The following PDZRN4 variants were observed in gnomAD, a reference collection of about 807,000 sequenced individuals.
The protein encoded by PDZRN4 is PDZ domain-containing RING finger protein 4.
A neutral mutation model predicts 99.0 loss-of-function variants in PDZRN4; 70 were observed. That is an observed-to-expected ratio of 0.71 (90% CI 0.58 to 0.86). PDZRN4 has a LOEUF of 0.86. PDZRN4 is among the 40% of genes least tolerant of loss of function. The pLI, the probability that PDZRN4 is intolerant of heterozygous loss-of-function variation, is 0.00. For missense variants in PDZRN4, 1,474 were observed against 1,331.2 expected (o/e 1.11, Z -1.67); for synonymous variants, 551 against 501.6 (o/e 1.10, Z -1.32).
chr12:41,381,265 C>A (rs1464255679), intron 3 of PDZRN4, among the ~76,000 whole-genome samples: 1 of 152,050 alleles, frequency 6.6e-6, no homozygotes. Context: ...ATTTCTCACC[C>A]CAAATTTGGA....
intron 3 of PDZRN4, among the ~76,000 whole-genome samples, chr12:41,213,893 C>A (rs1195466098): frequency 1.3e-5 from 2 of 151,858 alleles, no homozygotes. Flanking sequence ...AGTCACTGAC[C>A]CTCTCTGGTC....
intron 3 of PDZRN4, among the ~76,000 whole-genome samples, chr12:41,505,993 G>A (rs1273355442): frequency 6.6e-6 from 1 of 151,812 alleles, no homozygotes; most frequent in East Asian, 1.9e-4. Context: ...ACATGGTCTT[G>A]GATTAAAACA....
At chr12:41,235,359 A>C (rs1461347545) in intron 3 of PDZRN4, among the ~76,000 whole-genome samples, 7 of 152,212 alleles carry the variant, frequency 4.6e-5, no homozygotes. Context: ...AACTAAAAAC[A>C]ATATGGGTTT....
intron 3 of PDZRN4, among the ~76,000 whole-genome samples, chr12:41,489,037 A>G (rs961991777): frequency 2.0e-5 from 3 of 152,174 alleles, no homozygotes; most frequent in African/African-American, 4.8e-5. Context: ...ACAAATGCAT[A>G]AACTTTCTTA....
intron 3 of PDZRN4, among the ~76,000 whole-genome samples, chr12:41,225,905 C>G (rs1010572562): frequency 4.6e-5 from 7 of 152,068 alleles, no homozygotes; most frequent in South Asian, 2.1e-4. Context: ...CAGGCACCCC[C>G]CTGGAGTAGG....
intron 3 of PDZRN4, among the ~76,000 whole-genome samples, chr12:41,463,388 A>G (rs568020054): frequency 1.3e-5 from 2 of 152,260 alleles, no homozygotes; most frequent in Non-Finnish European, 2.9e-5. Context: ...TCTTGGAATT[A>G]GTTCTTCATA....
chr12:41,447,470 C>T (rs1214480095), intron 3 of PDZRN4, among the ~76,000 whole-genome samples: 1 of 152,150 alleles, frequency 6.6e-6, no homozygotes, highest in East Asian at 1.9e-4. Flanking sequence ...GCAGTCTTCT[C>T]TCTGACTGTG....
chr12:41,269,787 A>G (rs1951301647), intron 3 of PDZRN4, among the ~76,000 whole-genome samples: 1 of 152,168 alleles, frequency 6.6e-6, no homozygotes, highest in African/African-American at 2.4e-5. Flanking sequence ...AAAGCACAAG[A>G]TGGAAAGTTT....
chr12:41,258,437 G>A (rs529944739), intron 3 of PDZRN4, among the ~76,000 whole-genome samples: 8 of 152,174 alleles, frequency 5.3e-5, no homozygotes, highest in African/African-American at 1.7e-4. Flanking sequence ...ACATAATCTG[G>A]AGTAAGAGTC....
In PDZRN4 at chr12:41,572,855, G is replaced by A. The variant is rs1565619709; in HGVS notation, c.2076G>A (p.Val692=). The A allele has an allele frequency of 1.9e-6, 3 of 1,614,086 alleles. No individual in the cohort carries two copies. The highest frequency in any genetic ancestry group is 2.5e-6 in the Non-Finnish European group (3 of 1,179,988). ...NIMQAHRLQK[V]TDQYGDIWTL... is the part of the protein sequence containing the mutation. ...TGCAGGCTCACAGGCTCCAGAAAGT[G>A]ACAGACCAGTATGGAGACATCTGGA... Residue 692 remains valine (V), a synonymous_variant, in exon 10 of 10, where the codon GTG becomes GTA. Coordinates refer to ENST00000402685, the MANE Select transcript of PDZRN4 (RefSeq NM_001164595.2).
At chr12:41,566,597 A>G (rs1461593594) in intron 8 of PDZRN4, among the ~76,000 whole-genome samples, 1 of 152,152 alleles carries the variant, frequency 6.6e-6, no homozygotes, top group East Asian at 1.9e-4. Flanking sequence ...TAAGTTCTAC[A>G]TGGCCTTTAA....
chr12:41,555,553 G>T (rs1939142405), intron 6 of PDZRN4, 145 bp from the exon 7 acceptor site: 2 of 580,466 alleles, frequency 3.4e-6, no homozygotes, highest in Non-Finnish European at 3.1e-6. Flanking sequence ...AATGAGTTTT[G>T]TTGGAGAGAA....
intron 3 of PDZRN4, among the ~76,000 whole-genome samples, chr12:41,477,672 A>G (rs1937616139): frequency 6.6e-6 from 1 of 152,224 alleles, no homozygotes; most frequent in Admixed American, 6.5e-5. Context: ...CAAAACTGGC[A>G]TGATGTACAA....
chr12:41,256,731 C>T (rs191451650), intron 3 of PDZRN4, among the ~76,000 whole-genome samples: 87 of 152,252 alleles, frequency 5.7e-4, no homozygotes, highest in Non-Finnish European at 1.1e-3. Context: ...TACCTGGCTA[C>T]CTTCTTGTGT....
At chr12:41,471,179 C>A (rs1301011831) in intron 3 of PDZRN4, among the ~76,000 whole-genome samples, 1 of 152,168 alleles carries the variant, frequency 6.6e-6, no homozygotes, top group East Asian at 1.9e-4. Context: ...ATGGCAGCCT[C>A]CCTTAAGCAA....
intron 3 of PDZRN4, among the ~76,000 whole-genome samples, chr12:41,482,876 G>C (rs901328652): frequency 2.0e-5 from 3 of 152,132 alleles, no homozygotes; most frequent in Admixed American, 2.0e-4. Context: ...ATGAGGGAAT[G>C]GGGGAAGCAG....
chr12:41,216,344 G>A (rs967493067), intron 3 of PDZRN4, among the ~76,000 whole-genome samples: 13 of 152,076 alleles, frequency 8.5e-5, no homozygotes, highest in East Asian at 1.9e-4. Flanking sequence ...GGTACTGGGG[G>A]TGAAAGTTGT....
chr12:41,379,797 T>G (rs1323584087), intron 3 of PDZRN4, among the ~76,000 whole-genome samples: 1 of 152,046 alleles, frequency 6.6e-6, no homozygotes, highest in African/African-American at 2.4e-5. Flanking sequence ...ATATTTTATG[T>G]GTATTTGAGA....
chr12:41,514,376 C>T (rs190660834), intron 5 of PDZRN4, among the ~76,000 whole-genome samples: 1 of 152,032 alleles, frequency 6.6e-6, no homozygotes, highest in Non-Finnish European at 1.5e-5. Context: ...TATATAATCT[C>T]TCTCTTACAT....
Sources: allele counts gnomAD v4.1 joint callset (sites outside exome capture counted in the v4.1 genomes callset), GRCh38; gene constraint gnomAD v4.1.1; transcripts MANE v1.5; gene names NCBI Gene and HGNC (gene_info 2026-07-23, HGNC 2026-07-21).